MYT1L: variants seen among roughly 807,000 people sequenced by gnomAD.
The protein encoded by MYT1L is myelin transcription factor 1 like.
In MYT1L, 12 loss-of-function variants were observed where a neutral mutation model predicts 126.7. The ratio of observed to expected loss-of-function variants is 0.09; its 90% CI spans 0.06 to 0.15. The LOEUF is 0.15. Ranked by LOEUF, MYT1L falls within the 10% of genes least tolerant of loss-of-function variation. The probability of loss-of-function intolerance (pLI) is 1.00; values close to 1 mark genes in which losing one functional copy is unlikely to be tolerated. For missense variants in MYT1L, 979 were observed against 1,585.2 expected (o/e 0.62, Z 6.49); for synonymous variants, 541 against 604.2 (o/e 0.90, Z 1.53).
chr2:2,082,687 G>A (rs1270083116), intron 3 of MYT1L, among the ~76,000 whole-genome samples: 6 of 152,168 alleles, frequency 3.9e-5, no homozygotes, highest in African/African-American at 9.7e-5. Context: ...TCATAATGCT[G>A]TTCACATAGC....
chr2:2,045,349 G>T (rs1353468873), intron 4 of MYT1L, among the ~76,000 whole-genome samples: 1 of 152,216 alleles, frequency 6.6e-6, no homozygotes, highest in African/African-American at 2.4e-5. Flanking sequence ...TCCTTAAGGT[G>T]CTGAAACAGC....
At position 2,165,337 on chromosome 2, in the gene MYT1L, T is replaced by TAC. The variant is rs141908315; in HGVS notation, c.-304+7533_-304+7534dup. 4.4e-3 allele frequency among the ~76,000 whole-genome samples: 653 copies of TAC among 148,570 alleles called. 3 individuals carry two copies. Among genetic ancestry groups the TAC allele is most frequent in the African/African-American group, 0.015 (597 of 40,590 alleles). ...ACACATACACACATACACATGCACATACACACACACACACACGTGCACACA... is the reference window on the plus strand; with the variant it reads ...ACACATACACACATACACATGCACATACACACACACACACACACGTGCACACA... On this transcript the variant is annotated intron_variant, in intron 3 of 24. Coordinates refer to ENST00000647738, the MANE Select transcript of MYT1L (RefSeq NM_001303052.2).
intron 9 of MYT1L, among the ~76,000 whole-genome samples, chr2:1,932,645 CA>C (rs1236800868): frequency 6.6e-6 from 1 of 152,114 alleles, no homozygotes; most frequent in Non-Finnish European, 1.5e-5. Context: ...AGACAACGGA[CA>C]GTACGTGGGA....
intron 9 of MYT1L, among the ~76,000 whole-genome samples, chr2:1,932,571 G>C (rs2055156922): frequency 1.3e-5 from 2 of 152,174 alleles, no homozygotes; most frequent in African/African-American, 4.8e-5. Flanking sequence ...TAAAAATAGA[G>C]AGTAATAAAT....
intron 11 of MYT1L, among the ~76,000 whole-genome samples, chr2:1,914,176 C>T (rs1013503773): frequency 6.6e-6 from 1 of 152,108 alleles, no homozygotes; most frequent in Admixed American, 6.5e-5. Context: ...ATCACTTGAT[C>T]CCACGGGGCG....
intron 23 of MYT1L, among the ~76,000 whole-genome samples, chr2:1,798,325 C>A (rs2034194757): frequency 6.6e-6 from 1 of 152,202 alleles, no homozygotes; most frequent in South Asian, 2.1e-4. Context: ...GACGGAGTTT[C>A]CTTTTTCCTT....
rs545956791 is a variant in MYT1L, at chr2:1,955,804, G to A, written c.153-12470C>T. Among the ~76,000 whole-genome samples, 7 of 152,190 alleles carry A rather than the reference G, an allele frequency of 4.6e-5. No individual in the cohort carries two copies. In the South Asian group the frequency reaches 1.5e-3, roughly 32 times the overall value. On this transcript the variant is annotated intron_variant, in intron 8 of 24. Coordinates refer to ENST00000647738, the MANE Select transcript of MYT1L (RefSeq NM_001303052.2). The stretch of plus-strand genomic sequence containing the variant: ...CCTATATGGTGTTTGATAATATCTT[G>A]GCTGGACACAGCTATTCTTATCCTA...
intron 2 of MYT1L, among the ~76,000 whole-genome samples, chr2:2,278,676 A>C (rs2095403145): frequency 1.3e-5 from 2 of 152,228 alleles, no homozygotes; most frequent in South Asian, 4.1e-4. Flanking sequence ...AGAAATCAAC[A>C]GTAATTATGT....
Position 2,281,202 on chromosome 2 carries a change from C to A in MYT1L, c.-421+3202G>T, listed in dbSNP as rs528813794. 2.6e-5 allele frequency among the ~76,000 whole-genome samples: 4 copies of A among 152,304 alleles called. No individual in the cohort carries two copies. In the South Asian group the frequency reaches 8.3e-4, roughly 32 times the overall value. ...TTTCCCTGCTTTGCTCAGCACTTCT[C>A]CTTCCTGTGAAGAAGATGCCTTTCT... is the stretch of plus-strand genomic sequence containing the variant. On this transcript the variant is annotated intron_variant, in intron 2 of 24. Coordinates refer to ENST00000647738, the MANE Select transcript of MYT1L (RefSeq NM_001303052.2).
At chr2:1,865,798 G>A (rs1441300230) in intron 18 of MYT1L, among the ~76,000 whole-genome samples, 2 of 152,058 alleles carry the variant, frequency 1.3e-5, no homozygotes, top group African/African-American at 4.8e-5. Flanking sequence ...TGGGTTAGAC[G>A]ACCCCATGAG....
Position 1,887,355 on chromosome 2 carries a change from C to G in MYT1L, c.2642+133G>C. On this transcript the variant is annotated intron_variant, in intron 17 of 24. Coordinates refer to ENST00000647738, the MANE Select transcript of MYT1L (RefSeq NM_001303052.2). The surrounding 1 kb of genome is among the most constrained non-coding windows in gnomAD (Gnocchi z 4.8). ...TTAGCTGCTCACTCTACTGACCCAG[C>G]AGTCGGAAACATTTATATGCTGCGA... 8.5e-7 allele frequency: 1 copy of G among 1,171,604 alleles called. No homozygotes were observed. The highest frequency in any genetic ancestry group is 1.2e-6 in the Non-Finnish European group (1 of 814,134). The allele number at this position is 1,171,604 out of a possible 1,614,324, so 72.6% of individuals were successfully genotyped here. A position where few individuals can be genotyped will look rare whatever the true frequency, so the allele number is the denominator to read the frequency against.
intron 18 of MYT1L, among the ~76,000 whole-genome samples, chr2:1,875,833 T>C (rs762003218): frequency 1.3e-5 from 2 of 152,228 alleles, no homozygotes; most frequent in Non-Finnish European, 2.9e-5. Context: ...AAGAATTAAC[T>C]CGCTGCTCCC....
intron 3 of MYT1L, among the ~76,000 whole-genome samples, chr2:2,090,182 CACA>C (rs1366236252): frequency 6.6e-6 from 1 of 152,154 alleles, no homozygotes; most frequent in African/African-American, 2.4e-5. Flanking sequence ...ATGCTCTGCT[CACA>C]ACATCTTTGT....
At chr2:1,944,326 C>A (rs1372251503) in intron 8 of MYT1L, among the ~76,000 whole-genome samples, 2 of 152,050 alleles carry the variant, frequency 1.3e-5, no homozygotes, top group African/African-American at 4.8e-5. Flanking sequence ...AGCTACATTA[C>A]AAATTCACTT....
intron 5 of MYT1L, among the ~76,000 whole-genome samples, chr2:1,984,149 C>A (rs2060824776): frequency 6.6e-6 from 1 of 152,114 alleles, no homozygotes; most frequent in African/African-American, 2.4e-5. Flanking sequence ...TATGATCTTC[C>A]TTCTCTTTTC....
intron 2 of MYT1L, among the ~76,000 whole-genome samples, chr2:2,273,650 G>C (rs1009058108): frequency 6.6e-6 from 1 of 152,204 alleles, no homozygotes; most frequent in Non-Finnish European, 1.5e-5. Context: ...CCCAGGGTAG[G>C]GGGGCTGTGA....
intron 2 of MYT1L, among the ~76,000 whole-genome samples, chr2:2,177,497 T>C (rs1418130951): frequency 1.3e-5 from 2 of 152,104 alleles, no homozygotes; most frequent in African/African-American, 4.8e-5. Flanking sequence ...ACCTAGAACC[T>C]AGGGTGTATT....
At chr2:2,275,536 G>A (rs148950469) in intron 2 of MYT1L, among the ~76,000 whole-genome samples, 37 of 152,130 alleles carry the variant, frequency 2.4e-4, no homozygotes, top group Admixed American at 1.1e-3. Context: ...AGGGAAAGTG[G>A]TTTCCTAGAG....
At chr2:2,143,151 G>A (rs1263132394) in intron 3 of MYT1L, among the ~76,000 whole-genome samples, 1 of 151,568 alleles carries the variant, frequency 6.6e-6, no homozygotes, top group African/African-American at 2.4e-5. Flanking sequence ...TTAGCCGGGC[G>A]CAGTGGCAGG....
Sources: allele counts gnomAD v4.1 joint callset (sites outside exome capture counted in the v4.1 genomes callset), GRCh38; gene constraint gnomAD v4.1.1; non-coding constraint Gnocchi (gnomAD v3.1); transcripts MANE v1.5; gene names NCBI Gene and HGNC (gene_info 2026-07-23, HGNC 2026-07-21).